Variants in NPSR1 observed in about 807,000 individuals in gnomAD.
The protein encoded by NPSR1 is neuropeptide S receptor.
NPSR1 carries 48 observed loss-of-function variants against 46.9 expected under a neutral mutation model. That is an observed-to-expected ratio of 1.02 (90% CI 0.81 to 1.30). NPSR1 has a LOEUF of 1.30. Ranked by LOEUF, NPSR1 falls within the 50% of genes most tolerant of loss-of-function variation. The probability of loss-of-function intolerance (pLI) is 0.00; values close to 1 mark genes in which losing one functional copy is unlikely to be tolerated. For synonymous variants in NPSR1, 176 were observed against 168.1 expected (o/e 1.05, Z -0.36); for missense variants, 450 against 449.5 (o/e 1.00, Z -0.01).
intron 8 of NPSR1, among the ~76,000 whole-genome samples, chr7:34,858,231 T>C (rs528822592): frequency 6.6e-6 from 1 of 151,792 alleles, no homozygotes; most frequent in South Asian, 2.1e-4. Context: ...ATAATAGATA[T>C]GAAAAATATT....
At chr7:34,864,039 G>A (rs1791250122) in intron 8 of NPSR1, among the ~76,000 whole-genome samples, 1 of 151,762 alleles carries the variant, frequency 6.6e-6, no homozygotes, top group South Asian at 2.1e-4. Context: ...ATACTATGCA[G>A]CCATAAAAAA....
chr7:34,788,246 A>T (rs1335797700), intron 3 of NPSR1, among the ~76,000 whole-genome samples: 1 of 152,060 alleles, frequency 6.6e-6, no homozygotes, highest in Non-Finnish European at 1.5e-5. Flanking sequence ...GTAACCACAA[A>T]GCAAAACCTG....
intron 1 of NPSR1, among the ~76,000 whole-genome samples, chr7:34,675,911 T>G (rs1196812666): frequency 6.6e-6 from 1 of 152,228 alleles, no homozygotes; most frequent in Non-Finnish European, 1.5e-5. Flanking sequence ...CACTCAGTAT[T>G]GGACCATCTG....
chr7:34,677,032 G>A (rs188674309), intron 1 of NPSR1, among the ~76,000 whole-genome samples: 2 of 152,312 alleles, frequency 1.3e-5, no homozygotes, highest in East Asian at 3.9e-4. Context: ...CCCAGTCCAA[G>A]GGATCACTGA....
chr7:34,842,956 A>G (rs1790623311), intron 6 of NPSR1, among the ~76,000 whole-genome samples: 1 of 152,282 alleles, frequency 6.6e-6, no homozygotes, highest in Middle Eastern at 3.4e-3. Flanking sequence ...AACGCATCCT[A>G]CATTTTCTTG....
chr7:34,827,603 G>A lies in NPSR1; in HGVS notation c.680+1G>A, dbSNP rs1395802999. 3 of 1,014,814 alleles carry A rather than the reference G, an allele frequency of 3.0e-6. No individual in the cohort carries two copies. The highest frequency in any genetic ancestry group is 7.6e-5 in the East Asian group (2 of 26,380). The allele number at this position is 1,014,814 out of a possible 1,614,324, so 62.9% of individuals were successfully genotyped here. A position where few individuals can be genotyped will look rare whatever the true frequency, so the allele number is the denominator to read the frequency against. ...ACTTCATCCCTCTGACAATCATCAG[G>A]TAAGAAGCCGTCAGGACAGGACCAC... On this transcript the variant is annotated splice_donor_variant, in intron 5 of 8. Transcript: ENST00000360581. LOFTEE classifies it high-confidence loss of function.
At chr7:34,760,094 C>T (rs530379059) in intron 2 of NPSR1, among the ~76,000 whole-genome samples, 1 of 152,310 alleles carries the variant, frequency 6.6e-6, no homozygotes, top group African/African-American at 2.4e-5. Flanking sequence ...ATTGGATTAG[C>T]TGGCATGCAT....
chr7:34,817,609 A>G (rs912354493), intron 4 of NPSR1, among the ~76,000 whole-genome samples: 1 of 131,022 alleles, frequency 7.6e-6, no homozygotes, highest in Non-Finnish European at 1.6e-5. Flanking sequence ...GCAGAGACAA[A>G]ACAAAAAAAA....
At chr7:34,748,119 G>A (rs752940961) in intron 2 of NPSR1, among the ~76,000 whole-genome samples, 1 of 152,176 alleles carries the variant, frequency 6.6e-6, no homozygotes, top group African/African-American at 2.4e-5. Context: ...TCATGTACCT[G>A]TTATGCTTTC....
chr7:34,749,765 C>T (rs1334995144), intron 2 of NPSR1, among the ~76,000 whole-genome samples: 2 of 152,168 alleles, frequency 1.3e-5, no homozygotes, highest in African/African-American at 4.8e-5. Flanking sequence ...TAGAAGGTTT[C>T]CGTCATATTC....
chr7:34,809,404 T>C (rs1788871191), intron 3 of NPSR1, among the ~76,000 whole-genome samples: 1 of 152,046 alleles, frequency 6.6e-6, no homozygotes. Context: ...AGGTTTCTTA[T>C]ACAGGTAAAC....
intron 3 of NPSR1, among the ~76,000 whole-genome samples, chr7:34,787,734 G>C (rs1476311558): frequency 6.6e-6 from 1 of 152,110 alleles, no homozygotes; most frequent in East Asian, 1.9e-4. Context: ...AGGAGAGGGA[G>C]ACAGATGGAG....
intron 5 of NPSR1, among the ~76,000 whole-genome samples, chr7:34,830,575 A>G (rs1790071330): frequency 1.3e-5 from 2 of 152,314 alleles, no homozygotes; most frequent in African/African-American, 4.8e-5. Context: ...TATTCATACA[A>G]TAACCTTTTT....
At chr7:34,804,258 T>C (rs147310974) in intron 3 of NPSR1, among the ~76,000 whole-genome samples, 142 of 152,164 alleles carry the variant, frequency 9.3e-4, no homozygotes, top group African/African-American at 3.2e-3. Context: ...GCAAAAATTC[T>C]CAATAAATAT....
intron 1 of NPSR1, among the ~76,000 whole-genome samples, chr7:34,677,384 A>G (rs1187783454): frequency 6.6e-6 from 1 of 152,222 alleles, no homozygotes; most frequent in Non-Finnish European, 1.5e-5. Context: ...GCCTGTATTT[A>G]TATGAGGAAA....
intron 2 of NPSR1, chr7:34,686,058 C>T (rs1792912783): frequency 1.3e-5 from 2 of 153,166 alleles, no homozygotes; most frequent in African/African-American, 4.8e-5. Flanking sequence ...TATGGAACTA[C>T]ATATTCTTTC....
intron 1 of NPSR1, among the ~76,000 whole-genome samples, chr7:34,668,779 C>A (rs1229009198): frequency 1.3e-5 from 2 of 152,150 alleles, no homozygotes; most frequent in Admixed American, 1.3e-4. Flanking sequence ...GAGTAACGAA[C>A]CTTGCCCTGG....
At chr7:34,834,005 A>G (rs1240507342) in intron 5 of NPSR1, among the ~76,000 whole-genome samples, 1 of 152,232 alleles carries the variant, frequency 6.6e-6, no homozygotes, top group Non-Finnish European at 1.5e-5. Context: ...ATCAGGGATC[A>G]TAGATGTCAT....
intron 4 of NPSR1, among the ~76,000 whole-genome samples, chr7:34,820,768 AT>A (rs1554335726): frequency 6.6e-6 from 1 of 152,098 alleles, no homozygotes; most frequent in Non-Finnish European, 1.5e-5. Context: ...TTAGATTTAA[AT>A]TTTTTCTGGT....
Sources: gnomAD v4.1 joint callset for allele counts (sites outside exome capture counted in the v4.1 genomes callset) on GRCh38, gnomAD v4.1.1 for gene constraint, MANE v1.5 for transcripts, NCBI Gene and HGNC (gene_info 2026-07-23, HGNC 2026-07-21) for gene names.